Variants in P3H2 observed in about 807,000 individuals in gnomAD.
P3H2 encodes prolyl 3-hydroxylase 2, also known as leprecan-like 1.
P3H2 carries 80 observed loss-of-function variants against 87.0 expected under a neutral mutation model. The ratio of observed to expected loss-of-function variants is 0.92; its 90% CI spans 0.77 to 1.11. The LOEUF (loss-of-function observed/expected upper bound fraction) is 1.11, where lower values mean the gene tolerates loss of function less well. Ranked by LOEUF, P3H2 falls within the 50% of genes least tolerant of loss-of-function variation. The pLI, the probability that P3H2 is intolerant of heterozygous loss-of-function variation, is 0.00. For synonymous variants in P3H2, 367 were observed against 359.3 expected, an observed-to-expected ratio of 1.02 and a Z score of -0.24; for missense variants, 1,001 against 923.9, an observed-to-expected ratio of 1.08 and a Z score of -1.08.
intron 1 of P3H2, among the ~76,000 whole-genome samples, chr3:190,069,776 C>T (rs1384147810): frequency 1.3e-5 from 2 of 152,094 alleles, no homozygotes; most frequent in East Asian, 3.9e-4. Context: ...GCTAACAGGC[C>T]AAGAAAGCTG....
intron 5 of P3H2, 42 bp downstream of exon 5, chr3:189,987,479 TAAAAAA>T (rs551936985): frequency 5.0e-6 from 7 of 1,409,982 alleles, no homozygotes; most frequent in African/African-American, 3.2e-5. Flanking sequence ...AACTCTGTCT[TAAAAAA>T]AAAAAAAAAA....
At chr3:190,035,507 C>G (rs969929965) in intron 1 of P3H2, among the ~76,000 whole-genome samples, 13 of 151,668 alleles carry the variant, frequency 8.6e-5, no homozygotes, top group African/African-American at 2.9e-4. Context: ...ATTTTTTTTT[C>G]TCTTGTAAAC....
intron 8 of P3H2, among the ~76,000 whole-genome samples, chr3:189,980,158 A>C (rs1005992229): frequency 6.6e-6 from 1 of 152,264 alleles, no homozygotes; most frequent in African/African-American, 2.4e-5. Context: ...AATACTAAAC[A>C]CTGATAGGCA....
intron 1 of P3H2, among the ~76,000 whole-genome samples, chr3:190,040,241 A>T (rs1008938994): frequency 4.6e-5 from 7 of 152,092 alleles, no homozygotes; most frequent in Admixed American, 2.0e-4. Context: ...GATTTGAAAA[A>T]CCTGGGATGA....
chr3:189,977,178 C>T (rs1027208403), intron 8 of P3H2, among the ~76,000 whole-genome samples: 4 of 152,120 alleles, frequency 2.6e-5, no homozygotes, highest in African/African-American at 9.7e-5. Flanking sequence ...CCCACAAGTG[C>T]GAGTGGAACC....
intron 1 of P3H2, among the ~76,000 whole-genome samples, chr3:190,030,310 A>G (rs2693035): frequency 0.8 from 122,088 of 152,188 alleles, 49,048 homozygotes; most frequent in East Asian, 0.86. Flanking sequence ...GGTGGTAAAT[A>G]CCTATAATTC....
At chr3:189,989,590 T>C (rs1371819390) in intron 3 of P3H2, among the ~76,000 whole-genome samples, 2 of 151,588 alleles carry the variant, frequency 1.3e-5, no homozygotes, top group Admixed American at 1.3e-4. Flanking sequence ...ATAAAAACTC[T>C]TTTTTTTTAA....
chr3:189,969,272 C>T, intron 13 of P3H2: 2 of 867,722 alleles, frequency 2.3e-6, no homozygotes, highest in Admixed American at 3.5e-5. Flanking sequence ...ACCTCTGGAA[C>T]TGTGGTCATG....
chr3:190,085,731 A>T (rs1025152982), intron 1 of P3H2, among the ~76,000 whole-genome samples: 5 of 151,956 alleles, frequency 3.3e-5, no homozygotes, highest in Non-Finnish European at 7.3e-5. Context: ...AGTTATTGGC[A>T]TATTTAATAT....
At chr3:189,983,260 C>A in intron 7 of P3H2, 120 bp from the exon 8 acceptor site, 2 of 749,264 alleles carry the variant, frequency 2.7e-6, no homozygotes, top group Non-Finnish European at 4.5e-6. Flanking sequence ...TAAACAAGTT[C>A]ACCTGTCTTT....
chr3:190,058,470 T>A (rs923256855), intron 1 of P3H2, among the ~76,000 whole-genome samples: 1 of 152,058 alleles, frequency 6.6e-6, no homozygotes, highest in Non-Finnish European at 1.5e-5. Context: ...CAAATATGGG[T>A]CAAAGTTGTA....
chr3:190,066,160 C>T (rs3062155), intron 1 of P3H2, among the ~76,000 whole-genome samples: 96,007 of 130,400 alleles, frequency 0.74, 32,089 homozygotes, highest in South Asian at 0.84. Flanking sequence ...TATATATATA[C>T]ACACACACAC....
chr3:189,971,953 A>T lies in P3H2; in HGVS notation c.1754T>A (p.Leu585Ter). The T allele has an allele frequency of 1.2e-6, 2 of 1,614,044 alleles. No individual in the cohort carries two copies. The highest frequency in any genetic ancestry group is 1.7e-6 in the Non-Finnish European group (2 of 1,179,882). The change falls in exon 12 of 15, where the codon TTG becomes TAG. Residue 585 changes from leucine to a stop codon, truncating the protein, a stop_gained. Transcript: ENST00000319332. LOFTEE classifies it high-confidence loss of function. ...LSHPIHADNCLLDPEANECWK... is the reference protein window; with the variant it reads ...LSHPIHADNC ...GCATTCGTTGGCCTCTGGATCCAACAAACAGTTGTCAGCATGGATGGGATG... is the reference window on the plus strand; with the variant it reads ...GCATTCGTTGGCCTCTGGATCCAACTAACAGTTGTCAGCATGGATGGGATG...
chr3:190,005,157 A>G (rs987031770), intron 1 of P3H2, among the ~76,000 whole-genome samples: 1 of 152,220 alleles, frequency 6.6e-6, no homozygotes, highest in Non-Finnish European at 1.5e-5. Flanking sequence ...AAGCCTGGGA[A>G]TGATTTTTCT....
intron 1 of P3H2, among the ~76,000 whole-genome samples, chr3:190,108,811 T>C (rs996706977): frequency 6.6e-6 from 1 of 152,216 alleles, no homozygotes; most frequent in African/African-American, 2.4e-5. Context: ...TGAAAACTAT[T>C]AGCTAGCATT....
At chr3:190,044,892 C>T (rs1195579410) in intron 1 of P3H2, among the ~76,000 whole-genome samples, 4 of 152,088 alleles carry the variant, frequency 2.6e-5, no homozygotes, top group Non-Finnish European at 4.4e-5. Context: ...ACCAGAAAAA[C>T]GTGTGAAATC....
At chr3:189,996,531 TGG>T (rs1208393635) in intron 1 of P3H2, among the ~76,000 whole-genome samples, 1 of 152,190 alleles carries the variant, frequency 6.6e-6, no homozygotes, top group Non-Finnish European at 1.5e-5. Flanking sequence ...GAATAATTTC[TGG>T]TGTTCTATTG....
At position 190,120,544 on chromosome 3, in the gene P3H2, G is replaced by A. The variant is rs1168953051; in HGVS notation, c.188C>T (p.Ala63Val). The A allele has an allele frequency of 1.3e-6, 2 of 1,514,346 alleles. No homozygotes were observed. Among genetic ancestry groups the A allele is most frequent in the Non-Finnish European group, 1.8e-6 (2 of 1,140,450 alleles). The allele number at this position is 1,514,346 out of a possible 1,614,324, so 93.8% of individuals were successfully genotyped here. ...AAYYSGDYER[A>V]VRDLEAALRS... Reference sequence around the variant, plus strand: ...CAGCGCCGCTTCCAAGTCGCGCACCGCTCGCTCGTAGTCTCCGCTGTAGTA... The same window carrying A: ...CAGCGCCGCTTCCAAGTCGCGCACCACTCGCTCGTAGTCTCCGCTGTAGTA... The change falls in exon 1 of 15, where the codon GCG becomes GTG. Residue 63 changes from alanine (A) to valine (V), a missense_variant. By Grantham distance (64) the Ala-to-Val change is moderately conservative. Transcript: ENST00000319332.
intron 1 of P3H2, among the ~76,000 whole-genome samples, chr3:190,109,683 T>C (rs896232967): frequency 6.6e-6 from 1 of 152,178 alleles, no homozygotes; most frequent in Non-Finnish European, 1.5e-5. Flanking sequence ...CTTTGCATCT[T>C]GAAGAGAGAA....
Sources: gnomAD v4.1 joint callset for allele counts (sites outside exome capture counted in the v4.1 genomes callset) on GRCh38, gnomAD v4.1.1 for gene constraint, MANE v1.5 for transcripts, NCBI Gene and HGNC (gene_info 2026-07-23, HGNC 2026-07-21) for gene names.